The following TAS2R1 variants were observed in gnomAD, a reference collection of about 807,000 sequenced individuals.
TAS2R1 encodes taste receptor type 2 member 1.
For synonymous variants in TAS2R1, 141 were observed against 134.2 expected (o/e 1.05, Z -0.35); for missense variants, 370 against 353.4 (o/e 1.05, Z -0.38).
chr5:9,847,001 T>C, the TAS2R1 span, among the ~76,000 whole-genome samples: 1 of 152,224 alleles, frequency 6.6e-6, no homozygotes, highest in South Asian at 2.1e-4. Context: ...TTAACTCCCA[T>C]GATCTCATTA....
the TAS2R1 span, among the ~76,000 whole-genome samples, chr5:9,801,393 A>C: frequency 1.3e-5 from 2 of 152,158 alleles, no homozygotes; most frequent in Non-Finnish European, 2.9e-5. Context: ...TTTTTGGAGG[A>C]TTAAGATGGC....
At chr5:9,867,518 G>T in the TAS2R1 span, among the ~76,000 whole-genome samples, 3 of 152,050 alleles carry the variant, frequency 2.0e-5, no homozygotes, top group Non-Finnish European at 2.9e-5. Flanking sequence ...GAACAGCATG[G>T]GAGAACCTGC....
chr5:9,806,124 T>C, the TAS2R1 span, among the ~76,000 whole-genome samples: 1 of 151,970 alleles, frequency 6.6e-6, no homozygotes, highest in Non-Finnish European at 1.5e-5. Flanking sequence ...GAGAATCATA[T>C]CAAGAACTCA....
the TAS2R1 span, among the ~76,000 whole-genome samples, chr5:9,865,106 C>G: frequency 6.6e-6 from 1 of 152,190 alleles, no homozygotes; most frequent in Non-Finnish European, 1.5e-5. Context: ...GAGGATCACT[C>G]TGGCTGCTGA....
At chr5:9,633,294 T>TTATATATATATATATATATATATATATA (rs200096603), upstream of TAS2R1, among the ~76,000 whole-genome samples, 731 of 67,042 alleles carry the variant, frequency 0.011, 16 homozygotes, top group Non-Finnish European at 0.014. Flanking sequence ...TGTGTGTATA[T>TTATATATATATATATATATATATATATA]TATATATATA....
intron 1 of TAS2R1, among the ~76,000 whole-genome samples, chr5:9,710,321 G>A (rs1398537432): frequency 1.3e-5 from 2 of 152,242 alleles, no homozygotes; most frequent in African/African-American, 4.8e-5. Context: ...CAGAGGATTG[G>A]CTGTCTCCTT....
the TAS2R1 span, among the ~76,000 whole-genome samples, chr5:9,717,831 C>G: frequency 6.6e-6 from 1 of 151,972 alleles, no homozygotes; most frequent in South Asian, 2.1e-4. Context: ...CTTCTACAAC[C>G]TATGTATATA....
the TAS2R1 span, among the ~76,000 whole-genome samples, chr5:9,829,093 G>C: frequency 6.6e-6 from 1 of 152,184 alleles, no homozygotes; most frequent in Admixed American, 6.5e-5. Flanking sequence ...GCTGTGTTGA[G>C]AACTTGAAAT....
At chr5:9,802,976 C>T in the TAS2R1 span, among the ~76,000 whole-genome samples, 2 of 152,080 alleles carry the variant, frequency 1.3e-5, no homozygotes, top group Admixed American at 1.3e-4. Context: ...AAGGTGAAGT[C>T]CAACTTAAAG....
At chr5:9,794,422 TTAAC>T in the TAS2R1 span, among the ~76,000 whole-genome samples, 1 of 152,172 alleles carries the variant, frequency 6.6e-6, no homozygotes, top group Non-Finnish European at 1.5e-5. Flanking sequence ...TTATGGGAAT[TTAAC>T]TACTTCAGTT....
At chr5:9,808,783 G>A in the TAS2R1 span, among the ~76,000 whole-genome samples, 2 of 152,170 alleles carry the variant, frequency 1.3e-5, no homozygotes, top group Non-Finnish European at 2.9e-5. Flanking sequence ...GGCTTATGAG[G>A]TGGACCTAGT....
At chr5:9,837,079 G>T in the TAS2R1 span, among the ~76,000 whole-genome samples, 1 of 152,186 alleles carries the variant, frequency 6.6e-6, no homozygotes, top group Non-Finnish European at 1.5e-5. Flanking sequence ...TAATGAGGCT[G>T]AGATGCCAGA....
At chr5:9,773,509 A>G in the TAS2R1 span, among the ~76,000 whole-genome samples, 1 of 152,158 alleles carries the variant, frequency 6.6e-6, no homozygotes, top group Non-Finnish European at 1.5e-5. Flanking sequence ...TACTAATAGC[A>G]GTGAGTTTTG....
chr5:9,830,898 G>C, the TAS2R1 span, among the ~76,000 whole-genome samples: 1 of 152,132 alleles, frequency 6.6e-6, no homozygotes, highest in Admixed American at 6.5e-5. Flanking sequence ...ATCAAGCTGT[G>C]GCATTTTTCC....
At chr5:9,893,334 A>G in the TAS2R1 span, among the ~76,000 whole-genome samples, 2 of 150,438 alleles carry the variant, frequency 1.3e-5, no homozygotes, top group Non-Finnish European at 2.9e-5. Flanking sequence ...TCTTTTGTCC[A>G]TTATCTTGTA....
chr5:9,774,744 C>T, the TAS2R1 span, among the ~76,000 whole-genome samples: 15 of 152,342 alleles, frequency 9.8e-5, no homozygotes, highest in South Asian at 3.1e-3. Flanking sequence ...CTCTGGATTA[C>T]CAGGCGGAGA....
At chr5:9,827,267 A>G in the TAS2R1 span, among the ~76,000 whole-genome samples, 38 of 152,146 alleles carry the variant, frequency 2.5e-4, no homozygotes, top group African/African-American at 8.2e-4. Flanking sequence ...CTCCAGGGCA[A>G]TCCCAATCCT....
the TAS2R1 span, among the ~76,000 whole-genome samples, chr5:9,736,830 G>C: frequency 1.3e-5 from 2 of 152,086 alleles, no homozygotes; most frequent in Non-Finnish European, 2.9e-5. Flanking sequence ...TGAGGGCTTA[G>C]CAAAAGGGCC....
chr5:9,641,211 C>T (rs1413178751), intron 2 of TAS2R1: 1 of 152,156 alleles, frequency 6.6e-6, no homozygotes, highest in African/African-American at 2.4e-5. Context: ...TATTAGCATG[C>T]TATTTGTCTT....
Sources: gnomAD v4.1 joint callset for allele counts (sites outside exome capture counted in the v4.1 genomes callset) on GRCh38, gnomAD v4.1.1 for gene constraint, MANE v1.5 for transcripts, NCBI Gene and HGNC (gene_info 2026-07-23, HGNC 2026-07-21) for gene names.